LMNTD1: variants seen among roughly 807,000 people sequenced by gnomAD.
LMNTD1 encodes the protein lamin tail domain containing 1.
LMNTD1 carries 35 observed loss-of-function variants against 50.9 expected under a neutral mutation model. The ratio of observed to expected loss-of-function variants is 0.69; its 90% confidence interval spans 0.53 to 0.91. The LOEUF is 0.91. Among genes scored for constraint, LMNTD1 ranks in the 40% least tolerant of loss-of-function variants. The pLI is 0.00. For missense variants in LMNTD1, 470 were observed against 475.5 expected (o/e 0.99, Z 0.11); for synonymous variants, 153 against 161.9 (o/e 0.94, Z 0.42).
intron 9 of LMNTD1, among the ~76,000 whole-genome samples, chr12:25,477,362 A>G (rs1938303713): frequency 6.6e-6 from 1 of 151,908 alleles, no homozygotes; most frequent in Non-Finnish European, 1.5e-5. Flanking sequence ...AGAGGAAAAG[A>G]GTCAATAGAA....
chr12:25,506,868 G>A (rs1459795167), intron 8 of LMNTD1, among the ~76,000 whole-genome samples: 1 of 151,726 alleles, frequency 6.6e-6, no homozygotes, highest in African/African-American at 2.4e-5. Context: ...TGCCAAATTT[G>A]CATTATCTTA....
chr12:25,631,727 G>C (rs1946723224), intron 1 of LMNTD1, among the ~76,000 whole-genome samples: 1 of 152,040 alleles, frequency 6.6e-6, no homozygotes, highest in Non-Finnish European at 1.5e-5. Flanking sequence ...ATGGTAATAT[G>C]ACAAAACAAG....
intron 9 of LMNTD1, among the ~76,000 whole-genome samples, chr12:25,492,173 C>T (rs1938906538): frequency 6.6e-6 from 1 of 152,188 alleles, no homozygotes; most frequent in Admixed American, 6.5e-5. Flanking sequence ...CTTATGAACA[C>T]ATTTTTTCAA....
At chr12:25,501,275 GC>G (rs752139271) in intron 9 of LMNTD1, among the ~76,000 whole-genome samples, 1 of 152,168 alleles carries the variant, frequency 6.6e-6, no homozygotes, top group Non-Finnish European at 1.5e-5. Flanking sequence ...ACAGGTGTGA[GC>G]CACTGTGCCC....
chr12:25,541,566 C>A (rs1171243366), intron 4 of LMNTD1, among the ~76,000 whole-genome samples: 2 of 76,164 alleles, frequency 2.6e-5, no homozygotes, highest in Non-Finnish European at 3.0e-5. Context: ...ATACAAAAAT[C>A]AATTCAAGAT....
At chr12:25,619,693 C>T (rs777222712) in intron 1 of LMNTD1, among the ~76,000 whole-genome samples, 7 of 152,154 alleles carry the variant, frequency 4.6e-5, no homozygotes, top group African/African-American at 7.2e-5. Flanking sequence ...CCCAGTGCTC[C>T]GTGGGCAGGA....
chr12:25,552,727 C>A (rs944626833), intron 2 of LMNTD1, 144 bp downstream of exon 2: 3 of 622,596 alleles, frequency 4.8e-6, no homozygotes, highest in Non-Finnish European at 8.6e-6. Context: ...ATGCTACAGT[C>A]CATTATTTCT....
At chr12:25,527,739 CAT>C (rs1213420290) in intron 4 of LMNTD1, among the ~76,000 whole-genome samples, 4 of 114,984 alleles carry the variant, frequency 3.5e-5, no homozygotes, top group African/African-American at 1.3e-4. Context: ...CATATATATA[CAT>C]ATATATGTAT....
At chr12:25,632,701 C>T (rs1188979133) in intron 1 of LMNTD1, among the ~76,000 whole-genome samples, 1 of 152,050 alleles carries the variant, frequency 6.6e-6, no homozygotes, top group East Asian at 1.9e-4. Context: ...CTCTTTAAAG[C>T]ATAAGTCACA....
chr12:25,622,476 C>CCCCCCCCCCT (rs5797142), intron 1 of LMNTD1, among the ~76,000 whole-genome samples: 1 of 141,500 alleles, frequency 7.1e-6, no homozygotes, highest in African/African-American at 2.6e-5. Flanking sequence ...CGCCCCCCCC[C>CCCCCCCCCCT]GCAAAATAAT....
intron 1 of LMNTD1, among the ~76,000 whole-genome samples, chr12:25,592,085 A>G (rs1945717883): frequency 6.6e-6 from 1 of 152,170 alleles, no homozygotes; most frequent in Non-Finnish European, 1.5e-5. Flanking sequence ...ACAGGTACAA[A>G]CAAGCCCAGA....
intron 1 of LMNTD1, among the ~76,000 whole-genome samples, chr12:25,608,054 C>T (rs1008021370): frequency 2.0e-5 from 3 of 152,114 alleles, no homozygotes; most frequent in Non-Finnish European, 2.9e-5. Flanking sequence ...ATAGTTAGCT[C>T]TTCTTGTTGA....
chr12:25,525,802 G>A (rs1941665485), intron 6 of LMNTD1, among the ~76,000 whole-genome samples: 1 of 151,758 alleles, frequency 6.6e-6, no homozygotes, highest in African/African-American at 2.4e-5. Context: ...AAGAAAACGT[G>A]GTATATACGT....
chr12:25,539,786 G>A (rs1348747043), intron 4 of LMNTD1, among the ~76,000 whole-genome samples: 2 of 129,454 alleles, frequency 1.5e-5, no homozygotes, highest in Non-Finnish European at 1.7e-5. Context: ...GAATCCAGGA[G>A]CTGGTTTTTT....
At chr12:25,619,252 C>CTCTCTCTCTATATATATATATATATA (rs1374134268) in intron 1 of LMNTD1, among the ~76,000 whole-genome samples, 21 of 84,420 alleles carry the variant, frequency 2.5e-4, no homozygotes, top group East Asian at 8.4e-4. Flanking sequence ...CTCTCTCTCT[C>CTCTCTCTCTATATATATATATATATA]TATATATATA....
intron 8 of LMNTD1, among the ~76,000 whole-genome samples, chr12:25,514,137 T>C (rs949846898): frequency 5.9e-5 from 9 of 152,132 alleles, no homozygotes; most frequent in African/African-American, 1.9e-4. Context: ...AGCAAAAGAA[T>C]GATTACGTAC....
chr12:25,565,321 T>C (rs1192759837), intron 1 of LMNTD1, among the ~76,000 whole-genome samples: 1 of 152,146 alleles, frequency 6.6e-6, no homozygotes, highest in African/African-American at 2.4e-5. Flanking sequence ...TTTAGTTTCT[T>C]GCTTTTTATT....
chr12:25,632,277 T>C (rs1946735753), intron 1 of LMNTD1, among the ~76,000 whole-genome samples: 1 of 152,134 alleles, frequency 6.6e-6, no homozygotes, highest in Non-Finnish European at 1.5e-5. Flanking sequence ...TGTATCCAAA[T>C]ACAAGAAGCA....
intron 1 of LMNTD1, among the ~76,000 whole-genome samples, chr12:25,610,721 C>T (rs1946222224): frequency 6.6e-6 from 1 of 152,098 alleles, no homozygotes; most frequent in Non-Finnish European, 1.5e-5. Context: ...CAACATGGGG[C>T]TTGGCATCTC....
Sources: allele counts gnomAD v4.1 joint callset (sites outside exome capture counted in the v4.1 genomes callset), GRCh38; gene constraint gnomAD v4.1.1; transcripts MANE v1.5; gene names NCBI Gene and HGNC (gene_info 2026-07-23, HGNC 2026-07-21).